Variants in NRXN2 observed in about 807,000 individuals in gnomAD.
NRXN2 encodes neurexin 2, also known as neurexin-2-beta.
Under a neutral mutation model 128.8 loss-of-function variants are expected in NRXN2, and 29 were observed. That is an observed-to-expected ratio of 0.23 (90% CI 0.17 to 0.31). NRXN2 has a LOEUF of 0.31. NRXN2 is among the 10% of genes least tolerant of loss of function. The probability of loss-of-function intolerance (pLI) is 1.00; values close to 1 mark genes in which losing one functional copy is unlikely to be tolerated. For missense variants in NRXN2, 1,881 were observed against 2,452.6 expected, an observed-to-expected ratio of 0.77 and a Z score of 4.92; for synonymous variants, 1,098 against 1,075.2, an observed-to-expected ratio of 1.02 and a Z score of -0.41.
At chr11:64,609,860 A>G (rs968157640) in intron 22 of NRXN2, among the ~76,000 whole-genome samples, 14 of 151,064 alleles carry the variant, frequency 9.3e-5, no homozygotes, top group Non-Finnish European at 1.9e-4. Context: ...GTCTTCATAG[A>G]TCACGCCCAG....
rs542601039 is a variant in NRXN2, at chr11:64,626,981, G to A, written c.3758-429C>T. Among the ~76,000 whole-genome samples the A allele has an allele frequency of 1.4e-4, 21 of 152,284 alleles. No homozygotes were observed. In the South Asian group the frequency reaches 2.5e-3, roughly 18 times the overall value. Reference sequence around the variant, plus strand: ...CATCAGTGGCCCAACTGGTTTCTGCGTTTAGAGGGCGGTTTAGAAGTGGGA... The same window carrying A: ...CATCAGTGGCCCAACTGGTTTCTGCATTTAGAGGGCGGTTTAGAAGTGGGA... On this transcript the variant is annotated intron_variant, in intron 19 of 22. Transcript: ENST00000265459.
chr11:64,656,707 G>A (rs2048334732), intron 11 of NRXN2, among the ~76,000 whole-genome samples: 1 of 152,090 alleles, frequency 6.6e-6, no homozygotes, highest in Non-Finnish European at 1.5e-5. Flanking sequence ...AGGGGCCCAG[G>A]CCATGCTGGG....
chr11:64,668,421 G>A (rs771002239), intron 8 of NRXN2, 22 bp downstream of exon 8: 1 of 1,612,622 alleles, frequency 6.2e-7, no homozygotes, highest in South Asian at 1.1e-5. Flanking sequence ...ACAGCCTGCA[G>A]CCCCTCCCTA....
intron 3 of NRXN2, among the ~76,000 whole-genome samples, chr11:64,696,819 T>C (rs1435149470): frequency 6.6e-6 from 1 of 152,134 alleles, no homozygotes; most frequent in Non-Finnish European, 1.5e-5. Context: ...CCTGCTCTGC[T>C]GCCTTCTTCA....
At chr11:64,709,449 G>A (rs1208380030) in intron 2 of NRXN2, among the ~76,000 whole-genome samples, 2 of 151,908 alleles carry the variant, frequency 1.3e-5, no homozygotes, top group African/African-American at 4.8e-5. Flanking sequence ...TATTATAAAA[G>A]CTACCTAGGA....
Position 64,635,144 on chromosome 11 carries a change from G to C in NRXN2, c.3585+127C>G. The C allele has an allele frequency of 1.9e-6, 2 of 1,052,326 alleles. No individual in the cohort carries two copies. Among genetic ancestry groups the C allele is most frequent in the Non-Finnish European group, 2.9e-6 (2 of 694,210 alleles). The allele number at this position is 1,052,326 out of a possible 1,614,324, so 65.2% of individuals were successfully genotyped here. On this transcript the variant is annotated intron_variant, in intron 18 of 22. Transcript: ENST00000265459. This position sits in a 1 kb window ranked among gnomAD's most constrained non-coding sequence, Gnocchi z 4.8. ...TCTTAGCAGGAAGCTCCAGCAATGAGGGAACAGAGGTTCTGAGGGTTCCCC... is the reference window on the plus strand; with the variant it reads ...TCTTAGCAGGAAGCTCCAGCAATGACGGAACAGAGGTTCTGAGGGTTCCCC...
intron 7 of NRXN2, among the ~76,000 whole-genome samples, chr11:64,669,611 C>T (rs2050360224): frequency 2.0e-5 from 3 of 152,048 alleles, no homozygotes; most frequent in Non-Finnish European, 4.4e-5. Flanking sequence ...TTAGATGGGG[C>T]GGGGCATGAC....
At chr11:64,697,894 G>T in intron 2 of NRXN2, 102 bp from the exon 3 acceptor site, 2 of 1,388,766 alleles carry the variant, frequency 1.4e-6, no homozygotes, top group East Asian at 2.3e-5. Context: ...GGAGAGAGGA[G>T]TCCAAGCCCA....
At chr11:64,722,665 G>A (rs1190502762) in intron 1 of NRXN2, among the ~76,000 whole-genome samples, 1 of 139,450 alleles carries the variant, frequency 7.2e-6, no homozygotes, top group African/African-American at 2.6e-5. Context: ...CCCCCTTTAA[G>A]AACCCCCTCT....
chr11:64,690,395 G>A lies in NRXN2; in HGVS notation c.850+10C>T. The A allele has an allele frequency of 6.2e-7, 1 of 1,610,914 alleles. No individual in the cohort carries two copies. The highest frequency in any genetic ancestry group is 1.1e-5 in the South Asian group (1 of 90,204). ...GGCTGGGCTCTCTGGGGACCATGGG[G>A]GTCACTGACCTTTTGTTGGCTGGTG... On this transcript the variant is annotated intron_variant, in intron 5 of 22. Coordinates refer to ENST00000265459, the MANE Select transcript of NRXN2 (RefSeq NM_015080.4).
Position 64,622,893 on chromosome 11 carries a change from A to T in NRXN2, c.4033T>A (p.Ser1345Thr). 6.2e-7 allele frequency: 1 copy of T among 1,613,062 alleles called. No homozygotes were observed. Among genetic ancestry groups the T allele is most frequent in the Non-Finnish European group, 8.5e-7 (1 of 1,179,830 alleles). Residue 1345 changes from serine to threonine, a missense_variant, in exon 21 of 23, where the codon TCC becomes ACC. This residue lies in a region of NRXN2 where 108 missense variants were observed against 165.2 expected (regional missense o/e 0.65). Coordinates refer to ENST00000265459, the MANE Select transcript of NRXN2 (RefSeq NM_015080.4). The surrounding 1 kb of genome is among the most constrained non-coding windows in gnomAD (Gnocchi z 4.3). ...GTGGTCTCCGCACTGAGCAGCACGG[A>T]CGGCCCCTCCCCCACCAGGCGCAGG... is the stretch of plus-strand genomic sequence containing the variant. The part of the protein sequence containing the change: ...GHLRLVGEGP[S>T]VLLSAETTAT...
rs2039895539 is a variant in NRXN2 at position 64,607,791 on chromosome 11, G to A, written c.4544C>T (p.Thr1515Ile). ...LPPTDDEDFYTTFPLVTDRTT... is the reference protein window; with the variant it reads ...LPPTDDEDFYITFPLVTDRTT... ...GCGGTCCGTGACCAGGGGAAAGGTG[G>A]TGTAAAAGTCCTCGTCGTCCGTGGG... The change falls in exon 23 of 23, where the codon ACC (threonine) becomes ATC (isoleucine). Residue 1515 changes from threonine to isoleucine, a missense_variant. Physicochemically the swap from Thr to Ile is moderately conservative, Grantham distance 89. Around this residue, in one of 7 missense-constraint regions of NRXN2, gnomAD observed 310 missense variants for 318.2 expected, o/e 0.97. Transcript: ENST00000265459. The A allele has an allele frequency of 2.5e-6, 4 of 1,599,960 alleles. No individual in the cohort carries two copies. The highest frequency in any genetic ancestry group is 3.4e-6 in the Non-Finnish European group (4 of 1,173,802).
chr11:64,722,815 T>A (rs1484333815), intron 1 of NRXN2, among the ~76,000 whole-genome samples, 156 bp downstream of exon 1: 2 of 111,840 alleles, frequency 1.8e-5, no homozygotes, highest in African/African-American at 7.0e-5. Flanking sequence ...CGGCTTTGCC[T>A]CCTCGCTGTC....
chr11:64,685,521 C>T, intron 6 of NRXN2, 125 bp downstream of exon 6: 1 of 1,309,550 alleles, frequency 7.6e-7, no homozygotes, highest in African/African-American at 1.5e-5. Context: ...TCCTGTTCTT[C>T]TCCAGAACCA....
At chr11:64,649,974 A>C (rs533167540) in intron 15 of NRXN2, among the ~76,000 whole-genome samples, 1 of 152,076 alleles carries the variant, frequency 6.6e-6, no homozygotes, top group South Asian at 2.1e-4. Flanking sequence ...CACACCAGGG[A>C]AGCCTAGGTC....
At chr11:64,679,850 A>G (rs534427156) in intron 6 of NRXN2, among the ~76,000 whole-genome samples, 4 of 152,322 alleles carry the variant, frequency 2.6e-5, no homozygotes, top group African/African-American at 9.6e-5. Flanking sequence ...ACTAGAATGC[A>G]GCTTCCACTG....
intron 17 of NRXN2, among the ~76,000 whole-genome samples, chr11:64,636,330 G>A (rs1381364617): frequency 7.0e-6 from 1 of 143,410 alleles, no homozygotes; most frequent in African/African-American, 2.6e-5. Flanking sequence ...GGTCCCTAAC[G>A]ATCTCAGCCC....
At chr11:64,685,561 C>T in intron 6 of NRXN2, 85 bp downstream of exon 6, 1 of 1,572,184 alleles carries the variant, frequency 6.4e-7, no homozygotes, top group Non-Finnish European at 8.7e-7. Context: ...GATCCCTCCA[C>T]CACAAGCTCC....
intron 22 of NRXN2, among the ~76,000 whole-genome samples, chr11:64,613,084 C>T (rs145027671): frequency 8.5e-4 from 130 of 152,370 alleles, no homozygotes; most frequent in Middle Eastern, 3.4e-3. Context: ...AGCACCAGTA[C>T]TGCAAGGGCA....
Sources: gnomAD v4.1 joint callset for allele counts (sites outside exome capture counted in the v4.1 genomes callset) on GRCh38, gnomAD v4.1.1 for gene constraint, gnomAD v4.1.1 regional missense constraint, Gnocchi (gnomAD v3.1) non-coding constraint, MANE v1.5 for transcripts, NCBI Gene and HGNC (gene_info 2026-07-23, HGNC 2026-07-21) for gene names.